MACROD2: variants seen among roughly 807,000 people sequenced by gnomAD.
The protein encoded by MACROD2 is ADP-ribose glycohydrolase MACROD2.
A neutral mutation model predicts 70.4 loss-of-function variants in MACROD2; 36 were observed. The observed-to-expected ratio is 0.51, with a 90% CI of 0.39 to 0.68. MACROD2 has a LOEUF of 0.68. Ranked by LOEUF, MACROD2 falls within the 30% of genes least tolerant of loss-of-function variation. The pLI, the probability that MACROD2 is intolerant of heterozygous loss-of-function variation, is 0.00. For missense variants in MACROD2, 496 were observed against 538.4 expected, an observed-to-expected ratio of 0.92 and a Z score of 0.78; for synonymous variants, 172 against 178.8, an observed-to-expected ratio of 0.96 and a Z score of 0.30.
At chr20:14,028,498 G>A (rs2053206198) in intron 2 of MACROD2, among the ~76,000 whole-genome samples, 1 of 152,216 alleles carries the variant, frequency 6.6e-6, no homozygotes, top group Non-Finnish European at 1.5e-5. Context: ...CTAGCTCGGT[G>A]TCTGCCCAAA....
At chr20:15,204,035 A>G (rs771521388) in intron 5 of MACROD2, among the ~76,000 whole-genome samples, 4 of 152,050 alleles carry the variant, frequency 2.6e-5, no homozygotes, top group African/African-American at 7.2e-5. Flanking sequence ...GTATCAATCA[A>G]CCATGATATC....
chr20:14,759,879 T>C (rs1004009064), intron 5 of MACROD2, among the ~76,000 whole-genome samples: 6 of 152,098 alleles, frequency 3.9e-5, no homozygotes, highest in African/African-American at 1.5e-4. Context: ...GTAGGTGCTT[T>C]TCTGATTATC....
chr20:14,176,837 A>G (rs184694061), intron 3 of MACROD2, among the ~76,000 whole-genome samples: 3 of 152,292 alleles, frequency 2.0e-5, no homozygotes, highest in Admixed American at 2.0e-4. Flanking sequence ...TCTGTGGGTA[A>G]TGGTAGATTT....
intron 4 of MACROD2, among the ~76,000 whole-genome samples, chr20:14,528,092 A>G (rs2085255233): frequency 6.6e-6 from 1 of 151,388 alleles, no homozygotes; most frequent in Non-Finnish European, 1.5e-5. Flanking sequence ...CTGACCTTTA[A>G]TAAGCCCCAC....
intron 4 of MACROD2, among the ~76,000 whole-genome samples, chr20:14,578,563 C>T (rs1980774129): frequency 6.6e-6 from 1 of 151,430 alleles, no homozygotes; most frequent in African/African-American, 2.4e-5. Flanking sequence ...TTCATTCCTC[C>T]TTTTACATTA....
At chr20:14,872,862 C>T (rs1037480052) in intron 5 of MACROD2, among the ~76,000 whole-genome samples, 12 of 152,136 alleles carry the variant, frequency 7.9e-5, no homozygotes, top group Admixed American at 5.2e-4. Context: ...ACAATCATGG[C>T]TGAAGGGGAA....
intron 4 of MACROD2, among the ~76,000 whole-genome samples, chr20:14,584,120 C>G (rs1217583353): frequency 1.3e-5 from 2 of 152,134 alleles, no homozygotes; most frequent in Non-Finnish European, 2.9e-5. Context: ...TTATATTCTA[C>G]TTTCATTAAG....
At chr20:16,035,271 G>T (rs1363271598) in intron 15 of MACROD2, among the ~76,000 whole-genome samples, 1 of 149,388 alleles carries the variant, frequency 6.7e-6, no homozygotes, top group Non-Finnish European at 1.5e-5. Flanking sequence ...CCTTTGGGTT[G>T]GTTCCACGAT....
chr20:15,789,940 G>A (rs1247551500), intron 8 of MACROD2, among the ~76,000 whole-genome samples: 3 of 151,910 alleles, frequency 2.0e-5, no homozygotes, highest in Non-Finnish European at 4.4e-5. Flanking sequence ...AAATTATATA[G>A]AAAATTATTA....
At chr20:15,116,723 T>C (rs2075994470) in intron 5 of MACROD2, among the ~76,000 whole-genome samples, 1 of 152,230 alleles carries the variant, frequency 6.6e-6, no homozygotes, top group Admixed American at 6.5e-5. Context: ...GACTTTATTA[T>C]AAGAATACAG....
At chr20:15,922,472 T>C (rs193283869) in intron 10 of MACROD2, among the ~76,000 whole-genome samples, 15 of 152,354 alleles carry the variant, frequency 9.8e-5, no homozygotes, top group African/African-American at 2.4e-4. Context: ...GTAACATTTA[T>C]AGCACATCTC....
intron 3 of MACROD2, among the ~76,000 whole-genome samples, chr20:14,454,974 G>A (rs1056485444): frequency 3.3e-5 from 5 of 151,810 alleles, no homozygotes; most frequent in East Asian, 3.9e-4. Context: ...GGATGGTCTC[G>A]ATCTCCTGAC....
chr20:15,267,837 G>C (rs1472820938), intron 6 of MACROD2, among the ~76,000 whole-genome samples: 2 of 152,202 alleles, frequency 1.3e-5, no homozygotes, highest in African/African-American at 4.8e-5. Flanking sequence ...CGGTTCCTGG[G>C]TGGACCTGGG....
At chr20:15,564,348 G>GA (rs1429192747) in intron 8 of MACROD2, among the ~76,000 whole-genome samples, 1 of 152,150 alleles carries the variant, frequency 6.6e-6, no homozygotes, top group African/African-American at 2.4e-5. Context: ...ATATGCTGAG[G>GA]AAAATATGAA....
chr20:15,854,001 G>A (rs1049676145), intron 8 of MACROD2, among the ~76,000 whole-genome samples: 2 of 152,148 alleles, frequency 1.3e-5, no homozygotes, highest in South Asian at 2.1e-4. Context: ...AGGGAACTGC[G>A]TGGGAGGCTG....
intron 7 of MACROD2, among the ~76,000 whole-genome samples, chr20:15,496,103 G>A (rs934611398): frequency 1.3e-5 from 2 of 152,222 alleles, no homozygotes; most frequent in African/African-American, 4.8e-5. Flanking sequence ...ATTCAGGGGA[G>A]AAATGTTGCC....
At chr20:14,887,335 A>G (rs1355366024) in intron 5 of MACROD2, among the ~76,000 whole-genome samples, 1 of 152,026 alleles carries the variant, frequency 6.6e-6, no homozygotes, top group African/African-American at 2.4e-5. Flanking sequence ...AAGCAAATAG[A>G]CTTGAATATA....
chr20:14,085,650 A>G lies in MACROD2; in HGVS notation c.193A>G (p.Lys65Glu). Residue 65 changes from lysine (K) to glutamate (E), a missense_variant, in exon 3 of 18, where the codon AAG becomes GAG. Physicochemically the swap from Lys to Glu is moderately conservative, Grantham distance 56. Coordinates refer to ENST00000684519, the MANE Select transcript of MACROD2 (RefSeq NM_001351661.2). Reference protein sequence around the residue: ...EENTQETSQVKKSLTEKVSLY... With the variant: ...EENTQETSQVEKSLTEKVSLY... ...AAATACTCAGGAAACATCCCAGGTG[A>G]AGAAAAGTTTGACTGAAAAAGTTTC... 1 of 1,581,172 alleles carries G rather than the reference A, an allele frequency of 6.3e-7. No homozygotes were observed. The highest frequency in any genetic ancestry group is 1.7e-4 in the Middle Eastern group (1 of 5,874).
chr20:14,141,550 G>A (rs1203826970), intron 3 of MACROD2, among the ~76,000 whole-genome samples: 5 of 151,466 alleles, frequency 3.3e-5, no homozygotes, highest in South Asian at 2.1e-4. Context: ...GTTCGGGACC[G>A]GCCTGTCCAA....
Sources: allele counts gnomAD v4.1 joint callset (sites outside exome capture counted in the v4.1 genomes callset), GRCh38; gene constraint gnomAD v4.1.1; transcripts MANE v1.5; gene names NCBI Gene and HGNC (gene_info 2026-07-23, HGNC 2026-07-21).